Variants in RPH3A observed in about 807,000 individuals in gnomAD.
The protein encoded by RPH3A is rabphilin 3A, also known as rabphilin-3A.
In RPH3A, 48 loss-of-function variants were observed where a neutral mutation model predicts 102.2. The ratio of observed to expected loss-of-function variants is 0.47; its 90% confidence interval spans 0.37 to 0.60. The LOEUF is 0.60. Ranked by LOEUF, RPH3A falls within the 20% of genes least tolerant of loss-of-function variation. The pLI is 0.00. For synonymous variants in RPH3A, 310 were observed against 324.3 expected (o/e 0.96, Z 0.47); for missense variants, 781 against 910.1 (o/e 0.86, Z 1.83).
intron 1 of RPH3A, among the ~76,000 whole-genome samples, chr12:112,637,058 TCTC>T (rs1566237563): frequency 6.6e-6 from 1 of 152,088 alleles, no homozygotes; most frequent in East Asian, 1.9e-4. Context: ...CCATCCTGTA[TCTC>T]CTCAACTCAC....
chr12:112,694,077 G>A lies in RPH3A; in HGVS notation c.-139-98066G>A, dbSNP rs542437559. Among the ~76,000 whole-genome samples, 11 of 152,320 alleles carry A rather than the reference G, an allele frequency of 7.2e-5. No individual in the cohort carries two copies. In the East Asian group the frequency reaches 1.7e-3, roughly 24 times the overall value. ...TTCATCAGCCTGTCAATAAGATTTT[G>A]TCAGAAGCTCAGCCCTCTCAGCGCT... On this transcript the variant is annotated intron_variant, in intron 1 of 21. Coordinates refer to the RPH3A transcript ENST00000543106.
At chr12:112,765,301 T>C (rs111452869) in intron 1 of RPH3A, among the ~76,000 whole-genome samples, 136 of 151,214 alleles carry the variant, frequency 9.0e-4, no homozygotes, top group African/African-American at 3.2e-3. Context: ...TGCTATTTTA[T>C]GCCCAAATTC....
At chr12:112,812,898 A>C (rs1434405053) in intron 2 of RPH3A, among the ~76,000 whole-genome samples, 1 of 152,248 alleles carries the variant, frequency 6.6e-6, no homozygotes, top group East Asian at 1.9e-4. Context: ...CCTGGCACAC[A>C]GTAGGTGATA....
intron 1 of RPH3A, among the ~76,000 whole-genome samples, chr12:112,577,977 G>A (rs746935732): frequency 1.3e-5 from 2 of 152,126 alleles, no homozygotes; most frequent in Non-Finnish European, 2.9e-5. Context: ...GTAAAGTAGA[G>A]ATTCAGTCTC....
rs1377186456 is a variant in RPH3A, at chr12:112,610,602, G to A, written c.-140+35283G>A. Among the ~76,000 whole-genome samples, 3 of 150,714 alleles carry A rather than the reference G, an allele frequency of 2.0e-5. No individual in the cohort carries two copies. In the South Asian group the frequency reaches 6.3e-4, roughly 32 times the overall value. The stretch of plus-strand genomic sequence containing the variant: ...ATTATCTTATTTGATTATCTTCAAA[G>A]CACTTAAACATGTCTAAAATTATTA... On this transcript the variant is annotated intron_variant, in intron 1 of 21. Coordinates refer to the RPH3A transcript ENST00000543106.
intron 1 of RPH3A, among the ~76,000 whole-genome samples, chr12:112,696,279 T>C (rs1047859471): frequency 6.6e-6 from 1 of 152,218 alleles, no homozygotes; most frequent in African/African-American, 2.4e-5. Context: ...CAATTGCAAA[T>C]TGTGCTGCTG....
At position 112,887,900 on chromosome 12, in the gene RPH3A, A is replaced by T; in HGVS notation, c.1540A>T (p.Ile514Phe). The T allele has an allele frequency of 6.2e-7, 1 of 1,613,828 alleles. No individual in the cohort carries two copies. Among genetic ancestry groups the T allele is most frequent in the Non-Finnish European group, 8.5e-7 (1 of 1,179,758 alleles). The change falls in exon 17 of 22, where the codon ATC (isoleucine) becomes TTC (phenylalanine). Residue 514 changes from isoleucine (I) to phenylalanine (F), a missense_variant. Coordinates refer to ENST00000389385, the MANE Select transcript of RPH3A (RefSeq NM_001143854.2). ...LKPNQRKNFN[I>F]CLERVIPMKR... ...GCCCAACCAGAGGAAGAATTTCAAC[A>T]TCTGCCTGGAGCGAGTGATTCCTGT...
chr12:112,896,025 G>C (rs1423715544), intron 21 of RPH3A, 152 bp downstream of exon 21: 1 of 592,022 alleles, frequency 1.7e-6, no homozygotes, highest in Non-Finnish European at 3.0e-6. Context: ...TCTTGACCTT[G>C]GTCCAATTTG....
intron 2 of RPH3A, among the ~76,000 whole-genome samples, chr12:112,819,029 A>G (rs977786080): frequency 2.6e-5 from 4 of 151,914 alleles, no homozygotes; most frequent in African/African-American, 9.7e-5. Context: ...AGGCATAAGA[A>G]GAATATATAT....
chr12:112,635,490 C>T (rs1048219042), intron 1 of RPH3A, among the ~76,000 whole-genome samples: 1 of 151,910 alleles, frequency 6.6e-6, no homozygotes, highest in Non-Finnish European at 1.5e-5. Context: ...AGAATAGTGC[C>T]TGATGTACAG....
At position 112,894,543 on chromosome 12, in the gene RPH3A, C is replaced by A; in HGVS notation, c.1776-35C>A. 1.9e-6 allele frequency: 3 copies of A among 1,598,928 alleles called. No homozygotes were observed. The African/African-American group carries it at 4.0e-5, about 21-fold the overall frequency. ...CAAGAGGCTGTTCTTATTCATTAAA[C>A]GTCATCCATAATAGCATGTTGTGTC... On this transcript the variant is annotated intron_variant, in intron 19 of 21. Coordinates refer to ENST00000389385, the MANE Select transcript of RPH3A (RefSeq NM_001143854.2).
At chr12:112,649,277 A>G (rs1382988988) in intron 1 of RPH3A, 2 of 152,232 alleles carry the variant, frequency 1.3e-5, no homozygotes, top group Non-Finnish European at 2.9e-5. Context: ...GAGATTTTCT[A>G]TTTTGTGCCC....
At chr12:112,582,270 C>G (rs1360265988) in intron 1 of RPH3A, among the ~76,000 whole-genome samples, 3 of 146,642 alleles carry the variant, frequency 2.0e-5, no homozygotes, top group African/African-American at 7.6e-5. Flanking sequence ...TTTAGAGATA[C>G]GTTCTCATTC....
chr12:112,587,454 G>A (rs754380570), intron 1 of RPH3A, among the ~76,000 whole-genome samples: 3 of 152,102 alleles, frequency 2.0e-5, no homozygotes, highest in Non-Finnish European at 4.4e-5. Context: ...TTGGATAATT[G>A]CTTAACCTCT....
chr12:112,890,961 C>T lies in RPH3A; in HGVS notation c.1733C>T (p.Ala578Val). The change falls in exon 19 of 22, where the codon GCT (alanine) becomes GTT (valine). Residue 578 changes from alanine to valine, a missense_variant. Physicochemically the swap from Ala to Val is moderately conservative, Grantham distance 64 (BLOSUM62 0). Transcript: ENST00000389385. Reference sequence around the variant, plus strand: ...GGCATCATACGCTGCGTGCACCTGGCTGCCATGGACGCTAATGGCTACTCA... The same window carrying T: ...GGCATCATACGCTGCGTGCACCTGGTTGCCATGGACGCTAATGGCTACTCA... ...IVGIIRCVHLAAMDANGYSDP... is the reference protein window; with the variant it reads ...IVGIIRCVHLVAMDANGYSDP... 1.2e-6 allele frequency: 2 copies of T among 1,614,212 alleles called. No homozygotes were observed. Among genetic ancestry groups the T allele is most frequent in the Non-Finnish European group, 1.7e-6 (2 of 1,180,046 alleles).
intron 1 of RPH3A, chr12:112,650,863 G>C (rs2039969471): frequency 6.6e-6 from 1 of 151,766 alleles, no homozygotes; most frequent in Admixed American, 6.6e-5. Flanking sequence ...TGAGTAGCTG[G>C]GACCACAGGC....
chr12:112,840,952 C>A (rs1265446520), intron 4 of RPH3A, among the ~76,000 whole-genome samples: 4 of 151,860 alleles, frequency 2.6e-5, no homozygotes, highest in Admixed American at 2.6e-4. Context: ...CCATTCACAT[C>A]ACACACACCA....
Position 112,820,252 on chromosome 12 carries a change from C to T in RPH3A, c.-18-8049C>T, listed in dbSNP as rs551827753. Among the ~76,000 whole-genome samples the T allele has an allele frequency of 2.4e-4, 37 of 152,282 alleles. 1 individual carries two copies. The highest frequency in any genetic ancestry group is 3.9e-4 in the Admixed American group (6 of 15,290). ...GCTCCACTTTAGCTGCTGGAGAGAA[C>T]GAACACTGATGGACGATGATGGAGA... On this transcript the variant is annotated intron_variant, in intron 2 of 21. Transcript: ENST00000389385.
At chr12:112,629,183 GT>G (rs778448008) in intron 1 of RPH3A, among the ~76,000 whole-genome samples, 10 of 152,102 alleles carry the variant, frequency 6.6e-5, no homozygotes, top group Non-Finnish European at 1.5e-4. Context: ...AAAAAAGGTT[GT>G]GAAAATACTC....
Sources: gnomAD v4.1 joint callset for allele counts (sites outside exome capture counted in the v4.1 genomes callset) on GRCh38, gnomAD v4.1.1 for gene constraint, MANE v1.5 for transcripts, NCBI Gene and HGNC (gene_info 2026-07-23, HGNC 2026-07-21) for gene names.